The following NDFIP2 variants were observed in gnomAD, a reference collection of about 807,000 sequenced individuals.
The protein encoded by NDFIP2 is NEDD4 family-interacting protein 2.
A neutral mutation model predicts 36.0 loss-of-function variants in NDFIP2; 19 were observed. The ratio of observed to expected loss-of-function variants is 0.53; its 90% CI spans 0.37 to 0.77. The LOEUF is 0.77. NDFIP2 is among the 30% of genes least tolerant of loss of function. NDFIP2 has a pLI of 0.00. For missense variants in NDFIP2, 446 were observed against 435.8 expected, an observed-to-expected ratio of 1.02 and a Z score of -0.21; for synonymous variants, 181 against 167.7, an observed-to-expected ratio of 1.08 and a Z score of -0.61.
At chr13:79,490,626 A>G (rs976109613) in intron 1 of NDFIP2, among the ~76,000 whole-genome samples, 3 of 152,158 alleles carry the variant, frequency 2.0e-5, no homozygotes, top group African/African-American at 7.2e-5. Flanking sequence ...CCAGAAGACT[A>G]TTTGCAAAAA....
At chr13:79,512,449 A>AG (rs771664473) in intron 1 of NDFIP2, among the ~76,000 whole-genome samples, 5 of 151,916 alleles carry the variant, frequency 3.3e-5, no homozygotes, top group Non-Finnish European at 7.4e-5. Flanking sequence ...CTGGCTTTTG[A>AG]GGAAAAAAAA....
chr13:79,528,372 T>C (rs1180404168), intron 2 of NDFIP2, among the ~76,000 whole-genome samples: 3 of 152,192 alleles, frequency 2.0e-5, no homozygotes, highest in Non-Finnish European at 1.5e-5. Context: ...TGTGTTCTTA[T>C]AAAAGAGTCA....
At chr13:79,491,578 T>A (rs868357863) in intron 1 of NDFIP2, among the ~76,000 whole-genome samples, 13 of 152,240 alleles carry the variant, frequency 8.5e-5, no homozygotes, top group African/African-American at 3.1e-4. Context: ...GCAACTATTT[T>A]CTTCTTACTA....
At chr13:79,547,327 A>C (rs1875726042) in intron 5 of NDFIP2, among the ~76,000 whole-genome samples, 1 of 152,176 alleles carries the variant, frequency 6.6e-6, no homozygotes, top group Non-Finnish European at 1.5e-5. Flanking sequence ...AAATACTTTT[A>C]GTTAGTATTA....
At chr13:79,483,813 G>A (rs1277730733) in intron 1 of NDFIP2, among the ~76,000 whole-genome samples, 1 of 152,152 alleles carries the variant, frequency 6.6e-6, no homozygotes, top group Admixed American at 6.5e-5. Context: ...GAGTAAAGCA[G>A]TGGATAACAG....
intron 3 of NDFIP2, among the ~76,000 whole-genome samples, chr13:79,536,029 TATAG>T (rs58262764): frequency 0.066 from 10,116 of 152,206 alleles, 689 homozygotes; most frequent in African/African-American, 0.17. Context: ...ACTGGGAGAA[TATAG>T]ATAGTCAAGA....
chr13:79,496,888 C>T (rs1873453308), intron 1 of NDFIP2, among the ~76,000 whole-genome samples: 1 of 151,252 alleles, frequency 6.6e-6, no homozygotes, highest in African/African-American at 2.4e-5. Context: ...TTTACATTTT[C>T]TATTTATCTG....
chr13:79,510,483 A>G (rs1010182643), intron 1 of NDFIP2, among the ~76,000 whole-genome samples: 1 of 151,892 alleles, frequency 6.6e-6, no homozygotes, highest in African/African-American at 2.4e-5. Context: ...TCAGCTGACT[A>G]AAGGCAGCTT....
At chr13:79,507,313 G>A (rs1873909119) in intron 1 of NDFIP2, among the ~76,000 whole-genome samples, 1 of 51,894 alleles carries the variant, frequency 1.9e-5, no homozygotes, top group African/African-American at 2.2e-4. Flanking sequence ...TCGCTCTGTC[G>A]CCCAGGCTGG....
intron 2 of NDFIP2, among the ~76,000 whole-genome samples, chr13:79,528,853 A>G (rs965384654): frequency 2.0e-5 from 3 of 152,210 alleles, no homozygotes; most frequent in Non-Finnish European, 4.4e-5. Flanking sequence ...ATGTTCCACA[A>G]AAACTAAATT....
intron 1 of NDFIP2, among the ~76,000 whole-genome samples, chr13:79,495,131 C>CT (rs1555356252): frequency 2.6e-5 from 4 of 151,796 alleles, no homozygotes; most frequent in Non-Finnish European, 2.9e-5. Flanking sequence ...TTTCTTGAGA[C>CT]TTTTTTATGG....
intron 1 of NDFIP2, among the ~76,000 whole-genome samples, chr13:79,515,857 T>TG (rs1416745222): frequency 8.6e-6 from 1 of 116,530 alleles, no homozygotes; most frequent in Admixed American, 9.9e-5. Flanking sequence ...AATTCTAATC[T>TG]GTTTTTTTTT....
intron 1 of NDFIP2, among the ~76,000 whole-genome samples, chr13:79,518,428 A>G (rs189614226): frequency 7.9e-5 from 12 of 152,312 alleles, no homozygotes; most frequent in Admixed American, 7.8e-4. Flanking sequence ...CTATCTCACA[A>G]AAATGTTTTG....
chr13:79,538,269 C>T (rs1875321417), intron 3 of NDFIP2, among the ~76,000 whole-genome samples: 1 of 152,118 alleles, frequency 6.6e-6, no homozygotes, highest in South Asian at 2.1e-4. Flanking sequence ...CCATATAATT[C>T]TGTCCCTGGC....
chr13:79,533,718 G>A (rs974453966), intron 3 of NDFIP2, among the ~76,000 whole-genome samples: 10 of 152,070 alleles, frequency 6.6e-5, no homozygotes, highest in African/African-American at 2.4e-4. Flanking sequence ...TTAAGAAAAG[G>A]CCTGTAATGA....
chr13:79,529,529 A>C (rs774938768), intron 2 of NDFIP2, among the ~76,000 whole-genome samples: 22 of 152,184 alleles, frequency 1.4e-4, no homozygotes, highest in Non-Finnish European at 5.9e-5. Context: ...AACTAAAGAA[A>C]TCTGTTTACT....
intron 1 of NDFIP2, among the ~76,000 whole-genome samples, chr13:79,483,617 T>G (rs1433140802): frequency 2.0e-5 from 3 of 152,176 alleles, no homozygotes; most frequent in African/African-American, 7.2e-5. Flanking sequence ...TGAGATGGTA[T>G]GCAATGTTAA....
chr13:79,537,832 A>T (rs1296323186), intron 3 of NDFIP2, among the ~76,000 whole-genome samples: 1 of 152,146 alleles, frequency 6.6e-6, no homozygotes, highest in Non-Finnish European at 1.5e-5. Context: ...CTCAACTGAG[A>T]TGATGTGTAC....
intron 1 of NDFIP2, among the ~76,000 whole-genome samples, chr13:79,505,544 T>G (rs1265905747): frequency 6.6e-6 from 1 of 151,544 alleles, no homozygotes; most frequent in African/African-American, 2.4e-5. Flanking sequence ...GCGGGAGGAT[T>G]GCTTGAGCCC....
Sources: allele counts gnomAD v4.1 joint callset (sites outside exome capture counted in the v4.1 genomes callset), GRCh38; gene constraint gnomAD v4.1.1; transcripts MANE v1.5; gene names NCBI Gene and HGNC (gene_info 2026-07-23, HGNC 2026-07-21).